TMEM164: variants seen among roughly 807,000 people sequenced by gnomAD.
TMEM164 encodes the protein transmembrane protein 164.
In TMEM164, 4 loss-of-function variants were observed where a neutral mutation model predicts 18.8. The observed-to-expected ratio is 0.21, with a 90% CI of 0.10 to 0.49. TMEM164 has a LOEUF of 0.49. Among genes scored for constraint, TMEM164 ranks in the 20% least tolerant of loss-of-function variants. The pLI is 0.98. For synonymous variants in TMEM164, 86 were observed against 101.7 expected (o/e 0.85, Z 0.93); for missense variants, 108 against 239.9 (o/e 0.45, Z 3.63).
intron 3 of TMEM164, among the ~76,000 whole-genome samples, chrX:110,108,068 C>CTGTGTGTGTGTGTGTGTGTGTGTGTG (rs56714507): frequency 6.5e-5 from 3 of 46,373 alleles, no homozygotes; most frequent in Admixed American, 3.0e-4. Flanking sequence ...AGGAGGTATG[C>CTGTGTGTGTGTGTGTGTGTGTGTGTG]TGTGTGTGTG....
chrX:110,035,889 T>G (rs189942703), intron 2 of TMEM164, among the ~76,000 whole-genome samples: 80 of 109,928 alleles, frequency 7.3e-4, no homozygotes, highest in African/African-American at 2.5e-3. Context: ...AGGACAGGGG[T>G]ATGGATGTTT....
At chrX:110,022,023 CACAA>C (rs1311110178) in intron 2 of TMEM164, among the ~76,000 whole-genome samples, 1 of 111,577 alleles carries the variant, frequency 9.0e-6, no homozygotes, top group Non-Finnish European at 1.9e-5. Flanking sequence ...GATAATAAAA[CACAA>C]ACCAATGCCT....
chrX:110,010,045 AG>A (rs1242115218), intron 2 of TMEM164, among the ~76,000 whole-genome samples: 1 of 110,932 alleles, frequency 9.0e-6, no homozygotes, highest in African/African-American at 3.3e-5. Context: ...CACAGGAGTG[AG>A]GCAATCTCAG....
chrX:110,140,468 A>C (rs1490200312), intron 4 of TMEM164, among the ~76,000 whole-genome samples: 1 of 111,821 alleles, frequency 8.9e-6, no homozygotes, highest in Non-Finnish European at 1.9e-5. Context: ...ACTGATGTAA[A>C]CAGGGAAGTA....
chrX:110,117,002 G>T (rs763792877), intron 4 of TMEM164, among the ~76,000 whole-genome samples: 14 of 110,327 alleles, frequency 1.3e-4, no homozygotes, highest in African/African-American at 4.0e-4. Flanking sequence ...ATAAAATGGG[G>T]GTGATAATAG....
intron 5 of TMEM164, among the ~76,000 whole-genome samples, chrX:110,170,792 T>C (rs1383869258): frequency 8.9e-6 from 1 of 112,313 alleles, no homozygotes; most frequent in East Asian, 2.8e-4. Context: ...GACCCTGAAC[T>C]AAGAGCTCTC....
Position 110,084,366 on chromosome X carries a change from A to ACTATATATATATACTATATATAT in TMEM164, c.440+16970_440+16971insCTATATATATATACTATATATAT, listed in dbSNP as rs1185953773. Among the ~76,000 whole-genome samples the ACTATATATATATACTATATATAT allele has an allele frequency of 1.7e-4, 10 of 60,307 alleles. 1 individual carries two copies. Among genetic ancestry groups the ACTATATATATATACTATATATAT allele is most frequent in the African/African-American group, 7.7e-4 (10 of 12,931 alleles). 52.4% of individuals were successfully genotyped at this position (60,307 alleles called of 115,157 possible). On this transcript the variant is annotated intron_variant, in intron 3 of 6. Transcript: ENST00000372068. ...TAAAAATACTATATATATATAGTATAGTATATATATAGTGTATATATATAT... is the reference window on the plus strand; with the variant it reads ...TAAAAATACTATATATATATAGTATACTATATATATATACTATATATATGTATATATATAGTGTATATATATAT...
At chrX:110,109,701 G>A (rs1007852078) in intron 4 of TMEM164, among the ~76,000 whole-genome samples, 4 of 111,588 alleles carry the variant, frequency 3.6e-5, no homozygotes, top group Non-Finnish European at 7.5e-5. Context: ...GGACTTCCTA[G>A]GGCAAGAATT....
rs1223440128 is a variant in TMEM164 at position 110,174,298 on chromosome X, A to T, written c.*847A>T. The T allele has an allele frequency of 9.0e-6, 1 of 111,051 alleles. No homozygotes were observed. The highest frequency in any genetic ancestry group is 9.5e-5 in the Admixed American group (1 of 10,545). 9.2% of individuals were successfully genotyped at this position (111,051 alleles called of 1,213,427 possible). A position where few individuals can be genotyped will look rare whatever the true frequency, so the allele number is the denominator to read the frequency against. On this transcript the variant is annotated 3_prime_UTR_variant, in exon 7 of 7. Coordinates refer to ENST00000372068, the MANE Select transcript of TMEM164 (RefSeq NM_032227.4). ...TACACTCTGTTTTAGGAAAATGTTGATAATAGATACCATTTTAATCTTGAG... is the reference window on the plus strand; with the variant it reads ...TACACTCTGTTTTAGGAAAATGTTGTTAATAGATACCATTTTAATCTTGAG...
At chrX:110,020,506 T>C (rs1345358485) in intron 2 of TMEM164, 6 of 752,632 alleles carry the variant, frequency 8.0e-6, no homozygotes, top group African/African-American at 2.3e-5. Flanking sequence ...AAAAGTATTC[T>C]GGGGAATGTC....
At chrX:110,035,121 A>C (rs181818876) in intron 2 of TMEM164, among the ~76,000 whole-genome samples, 2 of 105,217 alleles carry the variant, frequency 1.9e-5, no homozygotes, top group Admixed American at 1.0e-4. Flanking sequence ...CCTAATGCTA[A>C]ATGACGAGTT....
chrX:110,159,510 TGAG>T (rs2067064001), intron 5 of TMEM164, among the ~76,000 whole-genome samples: 1 of 109,940 alleles, frequency 9.1e-6, no homozygotes, highest in Non-Finnish European at 1.9e-5. Flanking sequence ...CCTGTAGAGT[TGAG>T]GAGGTTCAGG....
intron 4 of TMEM164, among the ~76,000 whole-genome samples, chrX:110,141,430 A>G (rs2066768923): frequency 8.9e-6 from 1 of 112,342 alleles, no homozygotes; most frequent in African/African-American, 3.2e-5. Flanking sequence ...TCACAGTTCC[A>G]TGTAGCTGGG....
intron 5 of TMEM164, among the ~76,000 whole-genome samples, chrX:110,151,990 G>A (rs898294720): frequency 3.9e-5 from 4 of 103,463 alleles, no homozygotes; most frequent in Non-Finnish European, 6.0e-5. Context: ...CTTTGCTAAT[G>A]TTTTATTCTT....
intron 2 of TMEM164, among the ~76,000 whole-genome samples, chrX:110,030,526 G>C (rs1205571917): frequency 9.3e-6 from 1 of 107,167 alleles, no homozygotes; most frequent in Non-Finnish European, 1.9e-5. Context: ...CCATTTAAAA[G>C]ATAGTACATT....
At chrX:110,069,071 C>T (rs2065544550) in intron 3 of TMEM164, among the ~76,000 whole-genome samples, 1 of 111,549 alleles carries the variant, frequency 9.0e-6, no homozygotes, top group African/African-American at 3.3e-5. Context: ...ACTTTCTTTG[C>T]ACATTTCTGC....
intron 2 of TMEM164, among the ~76,000 whole-genome samples, chrX:110,012,019 T>G (rs759044937): frequency 8.9e-6 from 1 of 111,752 alleles, no homozygotes; most frequent in Non-Finnish European, 1.9e-5. Flanking sequence ...GGGGATGAGA[T>G]AGAAAATTGT....
intron 5 of TMEM164, among the ~76,000 whole-genome samples, chrX:110,145,303 G>A (rs774503852): frequency 3.6e-4 from 40 of 111,542 alleles, no homozygotes; most frequent in African/African-American, 1.1e-3. Flanking sequence ...CAAGAAGTCC[G>A]GGGACCAGGG....
rs764099227 is a variant in TMEM164, at chrX:110,109,799, C to T, written c.507+653C>T. The stretch of plus-strand genomic sequence containing the variant: ...AGCAGGGAGAATCCCATGGTTGCAG[C>T]GGGCTGGGTGATAAACCAGCCCAGA... On this transcript the variant is annotated intron_variant, in intron 4 of 6. Transcript: ENST00000372068. 4.5e-5 allele frequency among the ~76,000 whole-genome samples: 5 copies of T among 111,735 alleles called. No individual in the cohort carries two copies. The East Asian group carries it at 1.1e-3, about 25-fold the overall frequency.
Sources: gnomAD v4.1 joint callset for allele counts (sites outside exome capture counted in the v4.1 genomes callset) on GRCh38, gnomAD v4.1.1 for gene constraint, MANE v1.5 for transcripts, NCBI Gene and HGNC (gene_info 2026-07-23, HGNC 2026-07-21) for gene names.